The following FGF12 variants were observed in gnomAD, a reference collection of about 807,000 sequenced individuals.
FGF12 encodes fibroblast growth factor 12B.
A neutral mutation model predicts 23.6 loss-of-function variants in FGF12; 14 were observed. The observed-to-expected ratio is 0.59, with a 90% confidence interval of 0.39 to 0.93. The LOEUF is 0.93. FGF12 is among the 40% of genes least tolerant of loss of function. The pLI is 0.00. For missense variants in FGF12, 175 were observed against 217.8 expected (o/e 0.80, Z 1.24); for synonymous variants, 62 against 77.3 (o/e 0.80, Z 1.04).
chr3:192,595,342 C>T (rs766957950), intron 2 of FGF12, among the ~76,000 whole-genome samples: 14 of 152,228 alleles, frequency 9.2e-5, no homozygotes, highest in Non-Finnish European at 1.6e-4. Context: ...TCACTAGCTG[C>T]TCCCATTAAG....
chr3:192,567,968 G>C (rs184902416), intron 2 of FGF12, among the ~76,000 whole-genome samples: 11 of 151,724 alleles, frequency 7.3e-5, no homozygotes, highest in Non-Finnish European at 1.5e-4. Flanking sequence ...GAGTAGCTGG[G>C]ATTACAGGCA....
intron 2 of FGF12, among the ~76,000 whole-genome samples, chr3:192,647,159 G>C (rs574012013): frequency 1.3e-5 from 2 of 152,078 alleles, no homozygotes; most frequent in African/African-American, 4.8e-5. Flanking sequence ...AAGATGACAA[G>C]ATCCATGTGT....
At position 192,636,172 on chromosome 3, in the gene FGF12, C is replaced by A. The variant is rs1715574883; in HGVS notation, c.13+91009G>T. The stretch of plus-strand genomic sequence containing the variant: ...AATCATGTAATGTATAGAAACTCAC[C>A]TTATATGTTATATAACTAGGAAGAC... On this transcript the variant is annotated intron_variant, in intron 2 of 5. Coordinates refer to ENST00000445105, the MANE Select transcript of FGF12 (RefSeq NM_004113.6). 3.3e-5 allele frequency among the ~76,000 whole-genome samples: 5 copies of A among 152,098 alleles called. No homozygotes were observed. In the South Asian group the frequency reaches 1.0e-3, roughly 32 times the overall value.
intron 2 of FGF12, among the ~76,000 whole-genome samples, chr3:192,421,488 C>T (rs531795992): frequency 6.6e-6 from 1 of 151,806 alleles, no homozygotes; most frequent in South Asian, 2.1e-4. Context: ...CACTATGCAG[C>T]CATAAAAAAG....
Position 192,336,235 on chromosome 3 carries a change from T to C in FGF12, c.125-771A>G, listed in dbSNP as rs1717410168. ...ATACTCAAAACCATTAAGAATTAATTTGACAAAAGTAATTCAACATCCTAA... is the reference window on the plus strand; with the variant it reads ...ATACTCAAAACCATTAAGAATTAATCTGACAAAAGTAATTCAACATCCTAA... On this transcript the variant is annotated intron_variant, in intron 3 of 5. Coordinates refer to ENST00000445105, the MANE Select transcript of FGF12 (RefSeq NM_004113.6). This position sits in a 1 kb window ranked among gnomAD's most constrained non-coding sequence, Gnocchi z 4.3. Among the ~76,000 whole-genome samples the C allele has an allele frequency of 6.6e-6, 1 of 151,728 alleles. No homozygotes were observed. Among genetic ancestry groups the C allele is most frequent in the African/African-American group, 2.4e-5 (1 of 41,290 alleles).
At chr3:192,427,415 T>C (rs1721723414) in intron 2 of FGF12, among the ~76,000 whole-genome samples, 1 of 151,250 alleles carries the variant, frequency 6.6e-6, no homozygotes, top group South Asian at 2.1e-4. Context: ...TAGAAGAGTG[T>C]AAGTTGTTTA....
chr3:192,562,998 G>T (rs73058599), intron 2 of FGF12, among the ~76,000 whole-genome samples: 4 of 152,066 alleles, frequency 2.6e-5, no homozygotes, highest in Non-Finnish European at 5.9e-5. Flanking sequence ...TATGACCAGG[G>T]TAATAAGGAC....
At chr3:192,326,971 G>C (rs1716852539) in intron 4 of FGF12, among the ~76,000 whole-genome samples, 1 of 152,182 alleles carries the variant, frequency 6.6e-6, no homozygotes, top group Admixed American at 6.5e-5. Context: ...GAAAATATGA[G>C]AAGCATTCCA....
At chr3:192,592,804 C>T (rs1713682006) in intron 2 of FGF12, among the ~76,000 whole-genome samples, 1 of 151,930 alleles carries the variant, frequency 6.6e-6, no homozygotes, top group African/African-American at 2.4e-5. Flanking sequence ...AGACTCAGTA[C>T]ACCTCAGCTC....
chr3:192,699,481 C>T (rs529407649), intron 2 of FGF12, among the ~76,000 whole-genome samples: 4 of 152,240 alleles, frequency 2.6e-5, no homozygotes, highest in South Asian at 2.1e-4. Flanking sequence ...CACGCCTACA[C>T]GCTTATTTCT....
At chr3:192,633,055 T>TG (rs1476590119) in intron 2 of FGF12, among the ~76,000 whole-genome samples, 1 of 152,128 alleles carries the variant, frequency 6.6e-6, no homozygotes, top group Non-Finnish European at 1.5e-5. Flanking sequence ...TGTGTTGTGT[T>TG]TGTTTGTTGA....
At chr3:192,300,378 T>C (rs1715271876) in intron 4 of FGF12, among the ~76,000 whole-genome samples, 1 of 152,166 alleles carries the variant, frequency 6.6e-6, no homozygotes, top group Non-Finnish European at 1.5e-5. Flanking sequence ...AACTTAACAA[T>C]GGGGCTGTCC....
intron 2 of FGF12, among the ~76,000 whole-genome samples, chr3:192,522,066 C>G (rs995465581): frequency 1.3e-5 from 2 of 151,960 alleles, no homozygotes; most frequent in African/African-American, 2.4e-5. Flanking sequence ...AGCGCGGTGG[C>G]GGGCGCCTGT....
chr3:192,672,957 A>G (rs1029636545), intron 2 of FGF12: 3 of 151,110 alleles, frequency 2.0e-5, no homozygotes, highest in African/African-American at 7.3e-5. Flanking sequence ...CCAAAAGGCA[A>G]TAAAAGAAAT....
chr3:192,553,461 T>C (rs1369334189), intron 2 of FGF12, among the ~76,000 whole-genome samples: 2 of 152,050 alleles, frequency 1.3e-5, no homozygotes, highest in African/African-American at 4.8e-5. Context: ...ATACAACTGC[T>C]AAAAATAAAT....
intron 2 of FGF12, among the ~76,000 whole-genome samples, chr3:192,367,843 T>G (rs1412146111): frequency 6.6e-6 from 1 of 152,068 alleles, no homozygotes; most frequent in Non-Finnish European, 1.5e-5. Context: ...ATCTTCGATC[T>G]CCCCATTGGT....
intron 2 of FGF12, among the ~76,000 whole-genome samples, chr3:192,612,705 A>C (rs2708305): frequency 0.7 from 106,359 of 151,778 alleles, 37,557 homozygotes; most frequent in East Asian, 0.98. Context: ...ATATTTTCAT[A>C]TTCTGCTTAT....
chr3:192,293,211 A>G (rs1026862883), intron 4 of FGF12, among the ~76,000 whole-genome samples: 12 of 151,770 alleles, frequency 7.9e-5, no homozygotes, highest in Non-Finnish European at 1.5e-4. Flanking sequence ...TCTCTGGTTA[A>G]TCTAATTCTG....
At chr3:192,266,906 G>A (rs1713113370) in intron 4 of FGF12, 1 of 151,792 alleles carries the variant, frequency 6.6e-6, no homozygotes, top group African/African-American at 2.4e-5. Context: ...TCTATGAAGT[G>A]ACTTATATCT....
Sources: gnomAD v4.1 joint callset for allele counts (sites outside exome capture counted in the v4.1 genomes callset) on GRCh38, gnomAD v4.1.1 for gene constraint, Gnocchi (gnomAD v3.1) non-coding constraint, MANE v1.5 for transcripts, NCBI Gene and HGNC (gene_info 2026-07-23, HGNC 2026-07-21) for gene names.